EYA4: variants seen among roughly 807,000 people sequenced by gnomAD.
EYA4 encodes protein phosphatase EYA4.
A neutral mutation model predicts 87.9 loss-of-function variants in EYA4; 31 were observed. The ratio of observed to expected loss-of-function variants is 0.35; its 90% CI spans 0.27 to 0.48. EYA4 has a LOEUF of 0.48. Ranked by LOEUF, EYA4 falls within the 20% of genes least tolerant of loss-of-function variation. EYA4 has a pLI of 0.99. For synonymous variants in EYA4, 263 were observed against 270.6 expected (o/e 0.97, Z 0.28); for missense variants, 678 against 761.4 (o/e 0.89, Z 1.29).
At chr6:133,468,853 T>A (rs914888719) in intron 11 of EYA4, 122 bp downstream of exon 11, 1 of 970,020 alleles carries the variant, frequency 1.0e-6, no homozygotes, top group Non-Finnish European at 1.6e-6. Flanking sequence ...ATGTTTAATC[T>A]GTGTTAGCAT....
At chr6:133,288,450 A>C (rs1349091213) in intron 2 of EYA4, among the ~76,000 whole-genome samples, 1 of 152,180 alleles carries the variant, frequency 6.6e-6, no homozygotes, top group Non-Finnish European at 1.5e-5. Context: ...ATTATCCTGG[A>C]GTTTCAAGCC....
chr6:133,416,618 G>A (rs78849389), intron 3 of EYA4, among the ~76,000 whole-genome samples: 3,471 of 152,166 alleles, frequency 0.023, 131 homozygotes, highest in African/African-American at 0.08. Flanking sequence ...AAAGCATTAC[G>A]TATATATTAT....
At chr6:133,263,334 T>C (rs1322048944) in intron 1 of EYA4, among the ~76,000 whole-genome samples, 3 of 152,200 alleles carry the variant, frequency 2.0e-5, no homozygotes, top group Admixed American at 6.5e-5. Context: ...ACAGTGAGAC[T>C]TTGGGAGTCA....
At chr6:133,325,020 C>A (rs574173996) in intron 2 of EYA4, among the ~76,000 whole-genome samples, 2 of 146,706 alleles carry the variant, frequency 1.4e-5, no homozygotes, top group African/African-American at 5.2e-5. Context: ...ACACCATTTT[C>A]CTGTCTCAGC....
chr6:133,474,957 A>C (rs1197702762), intron 11 of EYA4, among the ~76,000 whole-genome samples: 2 of 152,098 alleles, frequency 1.3e-5, no homozygotes, highest in Non-Finnish European at 2.9e-5. Flanking sequence ...TCTGATTTAG[A>C]GATAAGCCTA....
chr6:133,494,500 C>A (rs1307497223), intron 13 of EYA4, among the ~76,000 whole-genome samples: 1 of 151,864 alleles, frequency 6.6e-6, no homozygotes, highest in Non-Finnish European at 1.5e-5. Context: ...TTTGATAGCA[C>A]ATCAGGGTGA....
intron 1 of EYA4, among the ~76,000 whole-genome samples, chr6:133,261,533 G>C (rs185137409): frequency 6.6e-6 from 1 of 152,278 alleles, no homozygotes; most frequent in Admixed American, 6.5e-5. Flanking sequence ...ACTAAAAGGT[G>C]ACAAATGCTA....
At chr6:133,384,717 T>A (rs1786546301) in intron 3 of EYA4, among the ~76,000 whole-genome samples, 1 of 152,130 alleles carries the variant, frequency 6.6e-6, no homozygotes, top group African/African-American at 2.4e-5. Flanking sequence ...TGTTCTTGGA[T>A]CCTGTATTTA....
chr6:133,246,440 T>A (rs1306246176), intron 1 of EYA4, among the ~76,000 whole-genome samples: 2 of 152,030 alleles, frequency 1.3e-5, no homozygotes, highest in African/African-American at 4.8e-5. Flanking sequence ...CGTGTTAGAA[T>A]TTTTTAGTTT....
chr6:133,331,220 A>G (rs576166735), intron 2 of EYA4, among the ~76,000 whole-genome samples: 2 of 152,308 alleles, frequency 1.3e-5, no homozygotes, highest in South Asian at 2.1e-4. Flanking sequence ...TGAAATGACA[A>G]AATGACTAAA....
intron 14 of EYA4, chr6:133,510,398 CT>C: frequency 3.5e-6 from 1 of 286,428 alleles, no homozygotes. Context: ...AGTCTACGGA[CT>C]TTCCAAGTAT....
chr6:133,350,566 T>C (rs913674797), intron 2 of EYA4, among the ~76,000 whole-genome samples: 7 of 152,050 alleles, frequency 4.6e-5, no homozygotes, highest in South Asian at 2.1e-4. Context: ...AAGGAACTTA[T>C]TGTGCATGGA....
chr6:133,267,247 T>G (rs538918977), intron 1 of EYA4, among the ~76,000 whole-genome samples: 1 of 152,310 alleles, frequency 6.6e-6, no homozygotes, highest in East Asian at 1.9e-4. Context: ...AAAAATGTAA[T>G]TGTTTATCAA....
chr6:133,462,012 A>G (rs1794435090), intron 7 of EYA4: 8 of 381,360 alleles, frequency 2.1e-5, no homozygotes, highest in South Asian at 1.8e-4. Flanking sequence ...TCATCTGTGT[A>G]TTAACTGGAG....
At chr6:133,421,185 A>G (rs1021645984) in intron 3 of EYA4, among the ~76,000 whole-genome samples, 2 of 152,174 alleles carry the variant, frequency 1.3e-5, no homozygotes, top group Non-Finnish European at 2.9e-5. Flanking sequence ...CTCTAAGCAG[A>G]TGCACCCAAC....
intron 13 of EYA4, among the ~76,000 whole-genome samples, chr6:133,488,525 C>G (rs1256611975): frequency 6.6e-6 from 1 of 152,098 alleles, no homozygotes; most frequent in Admixed American, 6.5e-5. Context: ...GTCACCCTTT[C>G]CCCAGCTCCA....
chr6:133,389,109 G>A (rs745854791), intron 3 of EYA4, among the ~76,000 whole-genome samples: 3 of 151,970 alleles, frequency 2.0e-5, no homozygotes, highest in Non-Finnish European at 2.9e-5. Flanking sequence ...GATGTTTTGC[G>A]CCCGTTGCAG....
chr6:133,373,373 C>A (rs556704109), intron 2 of EYA4, among the ~76,000 whole-genome samples: 6 of 152,048 alleles, frequency 3.9e-5, no homozygotes, highest in Middle Eastern at 3.4e-3. Context: ...TTGCGAAAAA[C>A]ATGAGCAAAT....
intron 2 of EYA4, among the ~76,000 whole-genome samples, chr6:133,278,716 A>C (rs751163387): frequency 6.6e-6 from 1 of 152,170 alleles, no homozygotes; most frequent in Non-Finnish European, 1.5e-5. Flanking sequence ...TTTTTCCTCT[A>C]GTATATCTGG....
Sources: allele counts gnomAD v4.1 joint callset (sites outside exome capture counted in the v4.1 genomes callset), GRCh38; gene constraint gnomAD v4.1.1; transcripts MANE v1.5; gene names NCBI Gene and HGNC (gene_info 2026-07-23, HGNC 2026-07-21).